Variants in SNTG1 observed in about 807,000 individuals in gnomAD.
SNTG1 encodes syntrophin gamma 1.
A neutral mutation model predicts 74.7 loss-of-function variants in SNTG1; 39 were observed. That is an observed-to-expected ratio of 0.52 (90% CI 0.40 to 0.68). The LOEUF is 0.68. Among genes scored for constraint, SNTG1 ranks in the 30% least tolerant of loss-of-function variants. SNTG1 has a pLI of 0.00. For synonymous variants in SNTG1, 254 were observed against 217.1 expected (o/e 1.17, Z -1.49); for missense variants, 685 against 609.5 (o/e 1.12, Z -1.30).
intron 13 of SNTG1, among the ~76,000 whole-genome samples, chr8:50,634,382 T>A (rs540302028): frequency 3.5e-4 from 54 of 152,316 alleles, no homozygotes; most frequent in African/African-American, 1.2e-3. Context: ...GAGACTTGGG[T>A]CCTGTCTTGT....
intron 2 of SNTG1, among the ~76,000 whole-genome samples, chr8:50,244,467 A>C (rs986283864): frequency 1.3e-5 from 2 of 152,088 alleles, no homozygotes; most frequent in Non-Finnish European, 2.9e-5. Flanking sequence ...GTTTCATGAC[A>C]CTCTAAAATA....
chr8:50,374,597 C>A (rs978745757), intron 2 of SNTG1, among the ~76,000 whole-genome samples: 1 of 152,176 alleles, frequency 6.6e-6, no homozygotes, highest in African/African-American at 2.4e-5. Context: ...AATTAGTTAG[C>A]TTGGTGGTCT....
chr8:50,128,632 C>G (rs368303988), intron 1 of SNTG1, among the ~76,000 whole-genome samples: 1 of 151,958 alleles, frequency 6.6e-6, no homozygotes, highest in East Asian at 1.9e-4. Flanking sequence ...ACAAGTTGAG[C>G]TTTTTGTTGG....
At chr8:50,556,840 C>T (rs891593466) in intron 12 of SNTG1, among the ~76,000 whole-genome samples, 1 of 152,158 alleles carries the variant, frequency 6.6e-6, no homozygotes, top group Non-Finnish European at 1.5e-5. Flanking sequence ...TCTTACAAGA[C>T]TTCAGATGAG....
At chr8:50,151,686 G>A (rs1187582943) in intron 1 of SNTG1, among the ~76,000 whole-genome samples, 1 of 152,166 alleles carries the variant, frequency 6.6e-6, no homozygotes, top group Non-Finnish European at 1.5e-5. Context: ...TCATTCATGA[G>A]CAGGTTGTTC....
intron 15 of SNTG1, among the ~76,000 whole-genome samples, chr8:50,679,022 G>T (rs1047499693): frequency 2.0e-5 from 3 of 152,056 alleles, no homozygotes; most frequent in Admixed American, 6.6e-5. Flanking sequence ...CTACATTTTT[G>T]ATAGTTTTTA....
At chr8:50,260,528 G>C (rs66958048) in intron 2 of SNTG1, among the ~76,000 whole-genome samples, 6 of 114,594 alleles carry the variant, frequency 5.2e-5, no homozygotes, top group Admixed American at 4.6e-4. Flanking sequence ...CACACACACA[G>C]ACACACACAC....
chr8:50,360,185 G>T (rs548695004), intron 2 of SNTG1, among the ~76,000 whole-genome samples: 2 of 151,670 alleles, frequency 1.3e-5, no homozygotes, highest in Admixed American at 1.3e-4. Context: ...ACTAAATAGT[G>T]CTTCCTAGGA....
rs568626941 is a variant in SNTG1 at position 50,120,654 on chromosome 8, A to G, written c.-102-51907A>G. On this transcript the variant is annotated intron_variant, in intron 1 of 18. Coordinates refer to ENST00000642720, the MANE Select transcript of SNTG1 (RefSeq NM_018967.5). ...CACCTCTGTCACTACCAACCTCACC[A>G]CCACTATTACCGCTGTTATCACCAC... 1.6e-3 allele frequency among the ~76,000 whole-genome samples: 226 copies of G among 141,760 alleles called. 22 individuals are homozygous for G. The highest frequency in any genetic ancestry group is 5.4e-3 in the African/African-American group (212 of 39,192). The allele number at this position is 141,760 out of a possible 152,430, so 93.0% of individuals were successfully genotyped here.
chr8:50,406,277 C>T (rs183362611), intron 4 of SNTG1, among the ~76,000 whole-genome samples: 1 of 152,068 alleles, frequency 6.6e-6, no homozygotes, highest in East Asian at 1.9e-4. Flanking sequence ...TAAGTTAAAA[C>T]CTTAGTACTT....
intron 10 of SNTG1, among the ~76,000 whole-genome samples, chr8:50,532,831 G>T (rs991276294): frequency 6.6e-6 from 1 of 152,114 alleles, no homozygotes; most frequent in African/African-American, 2.4e-5. Context: ...CTATTTAAAA[G>T]AAACATTTGA....
At chr8:50,353,590 G>C (rs1236561152) in intron 2 of SNTG1, among the ~76,000 whole-genome samples, 1 of 152,116 alleles carries the variant, frequency 6.6e-6, no homozygotes, top group Non-Finnish European at 1.5e-5. Context: ...TGACAAGTGA[G>C]TTTGGGCTTT....
intron 2 of SNTG1, among the ~76,000 whole-genome samples, chr8:50,241,549 T>G (rs1266809960): frequency 1.3e-5 from 2 of 152,164 alleles, no homozygotes; most frequent in African/African-American, 4.8e-5. Flanking sequence ...TTTAGGTGGG[T>G]GGTGTCTGAT....
chr8:50,594,049 G>A (rs907170152), intron 13 of SNTG1, among the ~76,000 whole-genome samples: 1 of 152,146 alleles, frequency 6.6e-6, no homozygotes, highest in African/African-American at 2.4e-5. Context: ...TGAACACACT[G>A]AAATTAAACT....
chr8:50,074,930 T>A (rs1292765786), intron 1 of SNTG1, among the ~76,000 whole-genome samples: 1 of 152,142 alleles, frequency 6.6e-6, no homozygotes, highest in African/African-American at 2.4e-5. Flanking sequence ...GGGGTGGGCA[T>A]CCTCTCCACA....
At chr8:50,276,373 T>TTATATATATATATATA (rs6150576) in intron 2 of SNTG1, among the ~76,000 whole-genome samples, 24 of 143,456 alleles carry the variant, frequency 1.7e-4, no homozygotes, top group African/African-American at 5.7e-4. Flanking sequence ...CAAGTAAATT[T>TTATATATATATATATA]TATATATATA....
intron 2 of SNTG1, among the ~76,000 whole-genome samples, chr8:50,177,306 C>T (rs1173595801): frequency 6.6e-6 from 1 of 152,116 alleles, no homozygotes; most frequent in African/African-American, 2.4e-5. Context: ...TCAGTCCTGC[C>T]TTCTTTCCAA....
At chr8:50,732,009 C>A (rs917956280) in intron 17 of SNTG1, among the ~76,000 whole-genome samples, 8 of 151,932 alleles carry the variant, frequency 5.3e-5, no homozygotes, top group African/African-American at 1.9e-4. Flanking sequence ...TAAGTATATT[C>A]ATTAACTTCT....
chr8:50,233,189 T>C (rs2132076898), intron 2 of SNTG1, among the ~76,000 whole-genome samples: 1 of 151,756 alleles, frequency 6.6e-6, no homozygotes, highest in Non-Finnish European at 1.5e-5. Flanking sequence ...TCAAACTGTG[T>C]GGTATCAGCA....
Sources: gnomAD v4.1 joint callset for allele counts (sites outside exome capture counted in the v4.1 genomes callset) on GRCh38, gnomAD v4.1.1 for gene constraint, MANE v1.5 for transcripts, NCBI Gene and HGNC (gene_info 2026-07-23, HGNC 2026-07-21) for gene names.